Variants in CELF4 observed in about 807,000 individuals in gnomAD.
CELF4 encodes CUG-BP- and ETR-3-like factor 4.
CELF4 carries 18 observed loss-of-function variants against 59.9 expected under a neutral mutation model. The ratio of observed to expected loss-of-function variants is 0.30; its 90% CI spans 0.21 to 0.45. CELF4 has a LOEUF of 0.45. Among genes scored for constraint, CELF4 ranks in the 20% least tolerant of loss-of-function variants. The pLI is 1.00. For missense variants in CELF4, 456 were observed against 689.0 expected, an observed-to-expected ratio of 0.66 and a Z score of 3.79; for synonymous variants, 261 against 267.1, an observed-to-expected ratio of 0.98 and a Z score of 0.22.
intron 10 of CELF4, 45 bp downstream of exon 10, chr18:37,264,629 A>C: frequency 6.7e-7 from 1 of 1,500,580 alleles, no homozygotes; most frequent in Non-Finnish European, 9.1e-7. Flanking sequence ...CTCTTTGGGG[A>C]CAACAGGGGG....
chr18:37,363,645 G>T (rs760689112), intron 2 of CELF4, among the ~76,000 whole-genome samples: 1 of 152,172 alleles, frequency 6.6e-6, no homozygotes, highest in Non-Finnish European at 1.5e-5. Context: ...ATAGGGTATG[G>T]GTTTTCAGTG....
At chr18:37,343,557 GGTATAT>G in intron 2 of CELF4, among the ~76,000 whole-genome samples, 1 of 151,522 alleles carries the variant, frequency 6.6e-6, no homozygotes, top group Admixed American at 6.6e-5. Flanking sequence ...TCCCACCCCT[GGTATAT>G]GTGGTGCATA....
At chr18:37,533,630 CA>C (rs1448598834) in intron 1 of CELF4, among the ~76,000 whole-genome samples, 1 of 152,202 alleles carries the variant, frequency 6.6e-6, no homozygotes, top group African/African-American at 2.4e-5. Flanking sequence ...GCAAACACAG[CA>C]CATTTCAAAT....
intron 3 of CELF4, among the ~76,000 whole-genome samples, chr18:37,290,168 A>C (rs1447709493): frequency 1.3e-5 from 2 of 151,986 alleles, no homozygotes; most frequent in Admixed American, 6.6e-5. Context: ...GGCTGGAGGG[A>C]ATGTTCCCTG....
chr18:37,275,102 C>A lies in CELF4; in HGVS notation c.577+13G>T. 6.2e-7 allele frequency: 1 copy of A among 1,611,994 alleles called. No homozygotes were observed. Among genetic ancestry groups the A allele is most frequent in the Non-Finnish European group, 8.5e-7 (1 of 1,179,194 alleles). On this transcript the variant is annotated intron_variant, in intron 4 of 12. Transcript: ENST00000420428. ...TCCCTCCGGGGCATCCCTCCCGGCCCCGCCCCGCGCACCCTTGCTGTTGCC... is the reference window on the plus strand; with the variant it reads ...TCCCTCCGGGGCATCCCTCCCGGCCACGCCCCGCGCACCCTTGCTGTTGCC...
intron 1 of CELF4, among the ~76,000 whole-genome samples, chr18:37,564,319 A>G (rs1310843015): frequency 5.3e-5 from 8 of 152,188 alleles, no homozygotes; most frequent in East Asian, 3.9e-4. Flanking sequence ...TAATTTCGTC[A>G]CCCACCAGCC....
intron 3 of CELF4, among the ~76,000 whole-genome samples, chr18:37,303,685 A>G (rs2154465494): frequency 6.6e-6 from 1 of 152,266 alleles, no homozygotes; most frequent in South Asian, 2.1e-4. Context: ...AGGGAACTAC[A>G]CAGTTAAATT....
chr18:37,273,485 A>T (rs1437663112), intron 6 of CELF4: 4 of 1,061,616 alleles, frequency 3.8e-6, no homozygotes, highest in Non-Finnish European at 4.6e-6. Flanking sequence ...TGGGGAAGTG[A>T]CATCCAAAGC....
In CELF4 at chr18:37,500,691, G is replaced by A. The variant is rs530186530; in HGVS notation, c.287-15084C>T. On this transcript the variant is annotated intron_variant, in intron 1 of 12. Coordinates refer to ENST00000420428, the MANE Select transcript of CELF4 (RefSeq NM_020180.4). Reference sequence around the variant, plus strand: ...TGGGACTACAGGCACCTGCCACCATGCCTGGCTAATTTTTTTGTATTTTTA... The same window carrying A: ...TGGGACTACAGGCACCTGCCACCATACCTGGCTAATTTTTTTGTATTTTTA... 3.4e-3 allele frequency among the ~76,000 whole-genome samples: 516 copies of A among 151,990 alleles called. 2 individuals are homozygous for A. The highest frequency in any genetic ancestry group is 5.8e-3 in the Non-Finnish European group (391 of 67,952).
At chr18:37,423,868 C>A (rs549386483) in intron 2 of CELF4, among the ~76,000 whole-genome samples, 53 of 152,178 alleles carry the variant, frequency 3.5e-4, no homozygotes, top group African/African-American at 1.3e-3. Context: ...GCTTTTCCCA[C>A]CTTCTCGCTC....
rs1470135972 is a variant in CELF4 at position 37,244,732 on chromosome 18, T to C, written c.*510A>G. 1.3e-5 allele frequency: 2 copies of C among 152,578 alleles called. No individual in the cohort carries two copies. The highest frequency in any genetic ancestry group is 2.9e-5 in the Non-Finnish European group (2 of 68,034). 9.5% of individuals were successfully genotyped at this position (152,578 alleles called of 1,614,324 possible). A position where few individuals can be genotyped will look rare whatever the true frequency, so the allele number is the denominator to read the frequency against. ...TGCAATAAAAAGTTTGGTCCTTTGG[T>C]CCCTAAATAGCTAAAGGAATGACAG... On this transcript the variant is annotated 3_prime_UTR_variant, in exon 13 of 13. Coordinates refer to ENST00000420428, the MANE Select transcript of CELF4 (RefSeq NM_020180.4).
At chr18:37,524,759 A>G (rs994714144) in intron 1 of CELF4, among the ~76,000 whole-genome samples, 1 of 152,146 alleles carries the variant, frequency 6.6e-6, no homozygotes, top group Non-Finnish European at 1.5e-5. Flanking sequence ...CCAGCCGAAC[A>G]TCCCCCGAGC....
chr18:37,511,949 G>C (rs1207061370), intron 1 of CELF4, among the ~76,000 whole-genome samples: 2 of 151,956 alleles, frequency 1.3e-5, no homozygotes, highest in Non-Finnish European at 2.9e-5. Flanking sequence ...CTGGGGGTGG[G>C]GATAGAGGAG....
chr18:37,366,280 C>G (rs903866904), intron 2 of CELF4, among the ~76,000 whole-genome samples: 1 of 152,168 alleles, frequency 6.6e-6, no homozygotes, highest in East Asian at 1.9e-4. Context: ...GCAGTGTGGC[C>G]AGGTCTTCAC....
At chr18:37,419,581 G>GGGGAA (rs1603638048) in intron 2 of CELF4, among the ~76,000 whole-genome samples, 2 of 152,128 alleles carry the variant, frequency 1.3e-5, no homozygotes, top group African/African-American at 4.8e-5. Flanking sequence ...GTGTGGTCAG[G>GGGGAA]GGGAAGGGAG....
At chr18:37,531,858 G>A (rs2099969877) in intron 1 of CELF4, among the ~76,000 whole-genome samples, 1 of 152,210 alleles carries the variant, frequency 6.6e-6, no homozygotes, top group South Asian at 2.1e-4. Context: ...GAGAGGGCAG[G>A]GCACTGGTCT....
chr18:37,502,223 C>T (rs915666527), intron 1 of CELF4, among the ~76,000 whole-genome samples: 1 of 152,196 alleles, frequency 6.6e-6, no homozygotes, highest in African/African-American at 2.4e-5. Flanking sequence ...TCCAATTCCT[C>T]CCTCATGAAC....
At chr18:37,267,479 G>A (rs2078222431) in intron 8 of CELF4, among the ~76,000 whole-genome samples, 1 of 152,188 alleles carries the variant, frequency 6.6e-6, no homozygotes, top group Non-Finnish European at 1.5e-5. Flanking sequence ...GGTGACTAAT[G>A]TGGGAGTGGG....
At chr18:37,390,214 G>A (rs183590912) in intron 2 of CELF4, among the ~76,000 whole-genome samples, 1 of 152,324 alleles carries the variant, frequency 6.6e-6, no homozygotes, top group Non-Finnish European at 1.5e-5. Context: ...GGGTTATGGA[G>A]GCGCCTGAAG....
Sources: allele counts gnomAD v4.1 joint callset (sites outside exome capture counted in the v4.1 genomes callset), GRCh38; gene constraint gnomAD v4.1.1; transcripts MANE v1.5; gene names NCBI Gene and HGNC (gene_info 2026-07-23, HGNC 2026-07-21).